The following TMEM120B variants were observed in gnomAD, a reference collection of about 807,000 sequenced individuals.
The protein encoded by TMEM120B is transmembrane protein 120B.
TMEM120B carries 31 observed loss-of-function variants against 55.5 expected under a neutral mutation model. That is an observed-to-expected ratio of 0.56 (90% CI 0.42 to 0.75). The LOEUF is 0.75. Among genes scored for constraint, TMEM120B ranks in the 30% least tolerant of loss-of-function variants. The probability of loss-of-function intolerance (pLI) is 0.00; values close to 1 mark genes in which losing one functional copy is unlikely to be tolerated. For synonymous variants in TMEM120B, 203 were observed against 176.3 expected, an observed-to-expected ratio of 1.15 and a Z score of -1.20; for missense variants, 399 against 425.5, an observed-to-expected ratio of 0.94 and a Z score of 0.55.
chr12:121,761,589 G>C (rs1873678659), intron 5 of TMEM120B, 60 bp from the exon 6 acceptor site: 1 of 1,301,150 alleles, frequency 7.7e-7, no homozygotes, highest in Non-Finnish European at 1.1e-6. Flanking sequence ...AGGTGAGGGT[G>C]GGATGGCTGT....
intron 6 of TMEM120B, among the ~76,000 whole-genome samples, chr12:121,765,328 C>T (rs946414645): frequency 2.6e-5 from 4 of 152,098 alleles, no homozygotes; most frequent in African/African-American, 4.8e-5. Flanking sequence ...TGGGGTTTCA[C>T]CGTGCTGGCC....
At chr12:121,759,034 A>G (rs977534037) in intron 5 of TMEM120B, 116 of 985,154 alleles carry the variant, frequency 1.2e-4, no homozygotes, top group Non-Finnish European at 1.3e-4. Flanking sequence ...TTATATATGT[A>G]ACAAAGTTTA....
intron 1 of TMEM120B, among the ~76,000 whole-genome samples, chr12:121,729,245 G>T (rs1894952531): frequency 6.6e-6 from 1 of 152,206 alleles, no homozygotes; most frequent in Non-Finnish European, 1.5e-5. Context: ...GGCTTGCAGT[G>T]CCTCCGTTGG....
Position 121,779,880 on chromosome 12 carries a change from C to T in TMEM120B, c.*4158C>T, listed in dbSNP as rs1874383487. ...GGTTGGAAGAAGCCCTGTCCAGGCC[C>T]CCACCCTGGCCTCTCTCCAGCTCCG... is the stretch of plus-strand genomic sequence containing the variant. On this transcript the variant is annotated 3_prime_UTR_variant, in exon 12 of 12. Transcript: ENST00000449592. 1 of 550,940 alleles carries T rather than the reference C, an allele frequency of 1.8e-6. No homozygotes were observed. The highest frequency in any genetic ancestry group is 2.4e-5 in the South Asian group (1 of 42,502). 34.1% of individuals were successfully genotyped at this position (550,940 alleles called of 1,614,324 possible). A position where few individuals can be genotyped will look rare whatever the true frequency, so the allele number is the denominator to read the frequency against.
chr12:121,721,901 C>T (rs1470666242), intron 1 of TMEM120B, among the ~76,000 whole-genome samples: 2 of 144,192 alleles, frequency 1.4e-5, no homozygotes, highest in Non-Finnish European at 3.0e-5. Context: ...CTCTGCCTCC[C>T]GGGTTCAAGC....
chr12:121,780,850 C>G lies in TMEM120B; in HGVS notation c.*5128C>G, dbSNP rs1271644355. 1.2e-6 allele frequency: 2 copies of G among 1,607,430 alleles called. No individual in the cohort carries two copies. Among genetic ancestry groups the G allele is most frequent in the East Asian group, 4.5e-5 (2 of 44,866 alleles). On this transcript the variant is annotated 3_prime_UTR_variant, in exon 12 of 12. Transcript: ENST00000449592. ...AGGCTTCACAGCCACGGCTGTGCCC[C>G]AGGGTCTTGGCCCCGGCCCACCTGC...
chr12:121,780,484 G>A lies in TMEM120B; in HGVS notation c.*4762G>A, dbSNP rs1874409444. On this transcript the variant is annotated 3_prime_UTR_variant, in exon 12 of 12. Coordinates refer to ENST00000449592, the MANE Select transcript of TMEM120B (RefSeq NM_001080825.2). ...CGGTCAATTGGCCCGTGAAGGGGAC[G>A]CCTACTTTCAAACAAGGCAGACAGG... 1 of 350,492 alleles carries A rather than the reference G, an allele frequency of 2.9e-6. No individual in the cohort carries two copies. The highest frequency in any genetic ancestry group is 4.6e-5 in the East Asian group (1 of 21,904). 21.7% of individuals were successfully genotyped at this position (350,492 alleles called of 1,614,324 possible). A position where few individuals can be genotyped will look rare whatever the true frequency, so the allele number is the denominator to read the frequency against.
intron 3 of TMEM120B, 102 bp from the exon 4 acceptor site, chr12:121,750,278 C>G (rs1196611948): frequency 8.0e-6 from 9 of 1,119,220 alleles, no homozygotes; most frequent in Non-Finnish European, 1.2e-5. Context: ...TATCTTCTAA[C>G]ATCAGTGCTT....
At chr12:121,764,468 C>G (rs1356686071) in intron 6 of TMEM120B, among the ~76,000 whole-genome samples, 2 of 151,888 alleles carry the variant, frequency 1.3e-5, no homozygotes, top group South Asian at 4.1e-4. Flanking sequence ...TTGTGGTGAG[C>G]CGAGATCATG....
rs1874209768 is a variant in TMEM120B at position 121,775,504 on chromosome 12, G to A, written c.907-105G>A. ...CTGCCTTCGATGGCAAAACCCTGCA[G>A]TTTGGGAGTTTGGGGGCAGCTGTGC... On this transcript the variant is annotated intron_variant, in intron 11 of 11. Coordinates refer to ENST00000449592, the MANE Select transcript of TMEM120B (RefSeq NM_001080825.2). This position sits in a 1 kb window ranked among gnomAD's most constrained non-coding sequence, Gnocchi z 4.3. 1 of 1,488,440 alleles carries A rather than the reference G, an allele frequency of 6.7e-7. No individual in the cohort carries two copies. Among genetic ancestry groups the A allele is most frequent in the Non-Finnish European group, 8.9e-7 (1 of 1,123,292 alleles). The allele number at this position is 1,488,440 out of a possible 1,614,324, so 92.2% of individuals were successfully genotyped here.
chr12:121,721,136 C>T (rs1220723383), intron 1 of TMEM120B, among the ~76,000 whole-genome samples: 2 of 152,160 alleles, frequency 1.3e-5, no homozygotes, highest in African/African-American at 2.4e-5. Context: ...AGGGAAGATG[C>T]TCTGGGCATG....
chr12:121,764,097 C>G (rs1453401469), intron 6 of TMEM120B, among the ~76,000 whole-genome samples: 1 of 143,638 alleles, frequency 7.0e-6, no homozygotes, highest in Non-Finnish European at 1.5e-5. Context: ...CAGAGGTGGG[C>G]AGATCACTGG....
chr12:121,758,538 T>C (rs1344544779), intron 5 of TMEM120B: 2 of 931,552 alleles, frequency 2.1e-6, no homozygotes, highest in East Asian at 1.5e-4. Context: ...ATGGCCTAGC[T>C]CCACGCTGTG....
At position 121,775,249 on chromosome 12, in the gene TMEM120B, TG is replaced by T; in HGVS notation, c.906+124del. ...CTGGGGAGGGCTGGGATGGCAGATGTGGGGGTGGGGTGTGTGCGTGTGTGTG... is the reference window on the plus strand; with the variant it reads ...CTGGGGAGGGCTGGGATGGCAGATGTGGGGTGGGGTGTGTGCGTGTGTGTG... On this transcript the variant is annotated intron_variant, in intron 11 of 11. Transcript: ENST00000449592. The surrounding 1 kb of genome is among the most constrained non-coding windows in gnomAD (Gnocchi z 4.3). 1 of 428,192 alleles carries T rather than the reference TG, an allele frequency of 2.3e-6. No individual in the cohort carries two copies. Among genetic ancestry groups the T allele is most frequent in the Non-Finnish European group, 3.2e-6 (1 of 314,810 alleles). The allele number at this position is 428,192 out of a possible 1,614,324, so 26.5% of individuals were successfully genotyped here.
At chr12:121,761,614 C>A (rs776192134) in intron 5 of TMEM120B, 35 bp from the exon 6 acceptor site, 3 of 1,562,316 alleles carry the variant, frequency 1.9e-6, no homozygotes, top group South Asian at 2.2e-5. Context: ...GGTTCTCACG[C>A]CCGCACCCCT....
chr12:121,717,568 CTG>C (rs1894722711), intron 1 of TMEM120B, among the ~76,000 whole-genome samples: 1 of 152,212 alleles, frequency 6.6e-6, no homozygotes, highest in Admixed American at 6.6e-5. Context: ...ACACCAGTGT[CTG>C]TGCTCTTAAC....
intron 5 of TMEM120B, among the ~76,000 whole-genome samples, chr12:121,756,055 A>G (rs764563097): frequency 7.2e-5 from 11 of 152,182 alleles, no homozygotes; most frequent in Non-Finnish European, 1.2e-4. Context: ...CAGAGCGATC[A>G]TCTATGCAAA....
intron 5 of TMEM120B, among the ~76,000 whole-genome samples, chr12:121,753,681 A>G (rs1873397692): frequency 1.3e-5 from 2 of 152,132 alleles, no homozygotes; most frequent in African/African-American, 4.8e-5. Flanking sequence ...GTTTTATGGT[A>G]TGTGAATTAT....
intron 5 of TMEM120B, 25 bp from the exon 6 acceptor site, chr12:121,761,624 T>G (rs368260322): frequency 3.8e-6 from 6 of 1,598,876 alleles, no homozygotes; most frequent in Non-Finnish European, 4.3e-6. Context: ...CCCGCACCCC[T>G]CCCGGGGGCT....
Sources: gnomAD v4.1 joint callset for allele counts (sites outside exome capture counted in the v4.1 genomes callset) on GRCh38, gnomAD v4.1.1 for gene constraint, Gnocchi (gnomAD v3.1) non-coding constraint, MANE v1.5 for transcripts, NCBI Gene and HGNC (gene_info 2026-07-23, HGNC 2026-07-21) for gene names.